MON2: variants seen among roughly 807,000 people sequenced by gnomAD.
The protein encoded by MON2 is protein MON2 homolog.
MON2 carries 84 observed loss-of-function variants against 208.6 expected under a neutral mutation model. The observed-to-expected ratio is 0.40, with a 90% CI of 0.34 to 0.48. The LOEUF is 0.48. Ranked by LOEUF, MON2 falls within the 20% of genes least tolerant of loss-of-function variation. MON2 has a pLI of 0.59. For synonymous variants in MON2, 660 were observed against 694.0 expected, an observed-to-expected ratio of 0.95 and a Z score of 0.77; for missense variants, 1,611 against 2,015.4, an observed-to-expected ratio of 0.80 and a Z score of 3.84.
chr12:62,572,234 G>T, intron 30 of MON2, among the ~76,000 whole-genome samples: 1 of 152,114 alleles, frequency 6.6e-6, no homozygotes, highest in Non-Finnish European at 1.5e-5. Context: ...AGTCTCTCTA[G>T]GCATGTTTTA....
chr12:62,515,097 A>G (rs1035388632), intron 8 of MON2, among the ~76,000 whole-genome samples: 1 of 152,246 alleles, frequency 6.6e-6, no homozygotes, highest in African/African-American at 2.4e-5. Context: ...AAAAACCTGA[A>G]AATAGAATTA....
intron 13 of MON2, 37 bp from the exon 14 acceptor site, chr12:62,535,488 T>G: frequency 7.0e-7 from 1 of 1,432,604 alleles, no homozygotes; most frequent in Non-Finnish European, 9.4e-7. Context: ...TAATTAAAAA[T>G]AAGTTAATCA....
chr12:62,563,184 G>A (rs940549326), intron 26 of MON2, among the ~76,000 whole-genome samples: 2 of 152,126 alleles, frequency 1.3e-5, no homozygotes, highest in African/African-American at 4.8e-5. Flanking sequence ...TAAATAACAT[G>A]GGCAAGTTTC....
At chr12:62,499,171 A>G (rs2070702514) in intron 5 of MON2, 123 bp downstream of exon 5, 1 of 1,002,820 alleles carries the variant, frequency 1.0e-6, no homozygotes, top group Admixed American at 2.9e-5. Flanking sequence ...TAAAAAATAA[A>G]TTCCTCACAA....
At chr12:62,507,710 A>G (rs758229614) in intron 7 of MON2, among the ~76,000 whole-genome samples, 1 of 152,206 alleles carries the variant, frequency 6.6e-6, no homozygotes, top group African/African-American at 2.4e-5. Flanking sequence ...TTCTAAAATC[A>G]TTAAATGTTC....
chr12:62,537,885 C>T (rs1358069228), intron 16 of MON2, among the ~76,000 whole-genome samples, 179 bp downstream of exon 16: 1 of 152,172 alleles, frequency 6.6e-6, no homozygotes. Context: ...TGGTGGAATG[C>T]TTCTCATAAT....
chr12:62,556,523 A>G (rs1382185420), intron 25 of MON2, among the ~76,000 whole-genome samples: 1 of 152,166 alleles, frequency 6.6e-6, no homozygotes, highest in Non-Finnish European at 1.5e-5. Context: ...TTCCAGATGG[A>G]CTTTCCTGAG....
chr12:62,507,633 C>T (rs2071173536), intron 7 of MON2, among the ~76,000 whole-genome samples: 1 of 151,632 alleles, frequency 6.6e-6, no homozygotes. Flanking sequence ...TTTCTTTCTT[C>T]TGTTTATGTT....
chr12:62,560,852 TC>T lies in MON2; in HGVS notation c.3773del (p.Pro1258LeufsTer7). 1 of 1,614,086 alleles carries T rather than the reference TC, an allele frequency of 6.2e-7. No homozygotes were observed. The highest frequency in any genetic ancestry group is 8.5e-7 in the Non-Finnish European group (1 of 1,179,980). ...YRIGSESTKP[P>X]ITFDKLTFIP... is the part of the protein sequence containing the mutation. Reference sequence around the variant, plus strand: ...GAATTGGATCTGAAAGTACTAAGCCTCCTATTACTTTTGATAAACTAACTTT... The same window carrying T: ...GAATTGGATCTGAAAGTACTAAGCCTCTATTACTTTTGATAAACTAACTTT... On this transcript the variant is annotated frameshift_variant, in exon 26 of 35. Transcript: ENST00000393630. LOFTEE classifies it high-confidence loss of function.
intron 32 of MON2, among the ~76,000 whole-genome samples, chr12:62,582,932 TG>T (rs1301677170): frequency 6.6e-6 from 1 of 151,880 alleles, no homozygotes; most frequent in Non-Finnish European, 1.5e-5. Context: ...TAAAAGAAAT[TG>T]GAAGGAAACA....
intron 29 of MON2, among the ~76,000 whole-genome samples, chr12:62,566,762 G>A (rs1166098147): frequency 1.3e-5 from 2 of 150,906 alleles, no homozygotes; most frequent in Non-Finnish European, 3.0e-5. Context: ...GGGAGGGATA[G>A]CATTAGGAGA....
chr12:62,585,627 AT>A, intron 33 of MON2, 126 bp downstream of exon 33: 1 of 703,264 alleles, frequency 1.4e-6, no homozygotes, highest in Non-Finnish European at 2.3e-6. Flanking sequence ...TTATAATCTT[AT>A]TTATCCCATA....
intron 7 of MON2, among the ~76,000 whole-genome samples, chr12:62,504,248 T>C (rs930018340): frequency 6.8e-6 from 1 of 146,266 alleles, no homozygotes; most frequent in East Asian, 2.0e-4. Flanking sequence ...TTCTTTTCTT[T>C]TTTTTTTTTT....
intron 33 of MON2, among the ~76,000 whole-genome samples, chr12:62,586,406 G>A (rs1001151426): frequency 6.6e-6 from 1 of 152,120 alleles, no homozygotes; most frequent in Non-Finnish European, 1.5e-5. Flanking sequence ...TCCCAACAGA[G>A]ATTTATACCA....
rs370054308 is a variant in MON2 at position 62,513,811 on chromosome 12, G to A, written c.984+5331G>A. On this transcript the variant is annotated intron_variant, in intron 8 of 34. Transcript: ENST00000393630. ...AAATACAAAAAAAAACTAGCCGAGC[G>A]TGGTGGCAGGCACTTGTAGTCCCAG... Among the ~76,000 whole-genome samples, 11 of 145,800 alleles carry A rather than the reference G, an allele frequency of 7.5e-5. 1 individual carries two copies. The highest frequency in any genetic ancestry group is 4.5e-4 in the East Asian group (2 of 4,456).
chr12:62,497,423 G>C (rs1420651784), intron 4 of MON2, among the ~76,000 whole-genome samples: 4 of 152,124 alleles, frequency 2.6e-5, no homozygotes, highest in African/African-American at 7.2e-5. Context: ...CACATGAAAA[G>C]AAGTTTAGTG....
chr12:62,486,548 C>G (rs1396498082), intron 2 of MON2, among the ~76,000 whole-genome samples: 1 of 151,984 alleles, frequency 6.6e-6, no homozygotes, highest in African/African-American at 2.4e-5. Flanking sequence ...AGTATTTTTT[C>G]TGAAGTATTT....
intron 11 of MON2, among the ~76,000 whole-genome samples, chr12:62,527,231 C>T (rs1348925918): frequency 6.6e-6 from 1 of 151,964 alleles, no homozygotes; most frequent in Non-Finnish European, 1.5e-5. Context: ...TGGAGTACAG[C>T]CTGGGTAACT....
chr12:62,570,803 G>C (rs2074569774), intron 29 of MON2, among the ~76,000 whole-genome samples: 1 of 139,072 alleles, frequency 7.2e-6, no homozygotes, highest in Non-Finnish European at 1.5e-5. Context: ...TGTGATCTCG[G>C]CTCACTGCAA....
Sources: allele counts gnomAD v4.1 joint callset (sites outside exome capture counted in the v4.1 genomes callset), GRCh38; gene constraint gnomAD v4.1.1; transcripts MANE v1.5; gene names NCBI Gene and HGNC (gene_info 2026-07-23, HGNC 2026-07-21).